Variants in ATRNL1 observed in about 807,000 individuals in gnomAD.
ATRNL1 encodes the protein attractin-like protein 1.
In ATRNL1, 95 loss-of-function variants were observed where a neutral mutation model predicts 182.7. The ratio of observed to expected loss-of-function variants is 0.52; its 90% CI spans 0.44 to 0.62. ATRNL1 has a LOEUF of 0.62. Among genes scored for constraint, ATRNL1 ranks in the 20% least tolerant of loss-of-function variants. The pLI is 0.00. For missense variants in ATRNL1, 1,471 were observed against 1,679.5 expected, an observed-to-expected ratio of 0.88 and a Z score of 2.17; for synonymous variants, 576 against 568.3, an observed-to-expected ratio of 1.01 and a Z score of -0.19.
At chr10:115,246,629 C>T (rs1313695036) in intron 10 of ATRNL1, among the ~76,000 whole-genome samples, 2 of 124,420 alleles carry the variant, frequency 1.6e-5, no homozygotes, top group African/African-American at 6.6e-5. Flanking sequence ...AGCGCAATCT[C>T]GGCTCACTGC....
intron 26 of ATRNL1, among the ~76,000 whole-genome samples, chr10:115,559,952 C>CT (rs1853595815): frequency 1.3e-5 from 2 of 152,148 alleles, no homozygotes; most frequent in Admixed American, 6.5e-5. Context: ...AAAGCTATCT[C>CT]TATTTGCAAA....
chr10:115,726,137 C>T (rs1189780063), intron 26 of ATRNL1, among the ~76,000 whole-genome samples: 1 of 151,948 alleles, frequency 6.6e-6, no homozygotes, highest in African/African-American at 2.4e-5. Flanking sequence ...AATAAATAAA[C>T]TTGTGTTTAA....
At chr10:115,110,840 T>C (rs1383668035) in intron 1 of ATRNL1, among the ~76,000 whole-genome samples, 1 of 152,242 alleles carries the variant, frequency 6.6e-6, no homozygotes, top group Admixed American at 6.5e-5. Context: ...CATTTATTAA[T>C]TTAAGCTTTT....
chr10:115,306,573 T>C (rs1456587594), intron 17 of ATRNL1, among the ~76,000 whole-genome samples: 1 of 152,118 alleles, frequency 6.6e-6, no homozygotes, highest in Non-Finnish European at 1.5e-5. Context: ...TTTTAGATTT[T>C]CTCATTGGCT....
intron 25 of ATRNL1, among the ~76,000 whole-genome samples, chr10:115,535,058 A>C (rs1226088649): frequency 2.7e-5 from 4 of 150,592 alleles, no homozygotes; most frequent in Non-Finnish European, 4.5e-5. Context: ...CTTCATTTCA[A>C]CTTTGGTGAA....
chr10:115,911,758 A>G (rs1952685299), intron 28 of ATRNL1, among the ~76,000 whole-genome samples: 1 of 152,174 alleles, frequency 6.6e-6, no homozygotes, highest in African/African-American at 2.4e-5. Flanking sequence ...CCAAGCCCTT[A>G]GCAGGCAGCT....
At chr10:115,256,891 C>T (rs1448637246) in intron 10 of ATRNL1, among the ~76,000 whole-genome samples, 1 of 152,134 alleles carries the variant, frequency 6.6e-6, no homozygotes, top group Non-Finnish European at 1.5e-5. Context: ...TAGTTATTTA[C>T]CTGGTAGTCA....
At chr10:115,407,985 C>CCTT (rs1844920211) in intron 20 of ATRNL1, among the ~76,000 whole-genome samples, 1 of 97,806 alleles carries the variant, frequency 1.0e-5, no homozygotes, top group African/African-American at 4.6e-5. Flanking sequence ...ATTTGCATTT[C>CCTT]TTTTTTTTTT....
Position 115,450,342 on chromosome 10 carries a change from A to G in ATRNL1, c.3323-11599A>G, listed in dbSNP as rs1451378183. On this transcript the variant is annotated intron_variant, in intron 21 of 28. Coordinates refer to ENST00000355044, the MANE Select transcript of ATRNL1 (RefSeq NM_207303.4). ...AAATAGGAAGAGAGGAAGTCAAACT[A>G]TCCCTCTTTCCAGAAGACATGATCC... 2.6e-5 allele frequency among the ~76,000 whole-genome samples: 4 copies of G among 152,134 alleles called. No individual in the cohort carries two copies. In the East Asian group the frequency reaches 5.8e-4, roughly 22 times the overall value.
chr10:115,495,583 G>C (rs548811277), intron 24 of ATRNL1, among the ~76,000 whole-genome samples: 1 of 152,230 alleles, frequency 6.6e-6, no homozygotes, highest in East Asian at 1.9e-4. Context: ...TTACCCCGAA[G>C]TCATTCAGGA....
intron 27 of ATRNL1, among the ~76,000 whole-genome samples, chr10:115,754,232 C>T (rs1254986970): frequency 1.3e-5 from 2 of 152,246 alleles, no homozygotes; most frequent in Middle Eastern, 6.8e-3. Flanking sequence ...GTGTTTTAGT[C>T]ATGAAGTCTT....
chr10:115,743,869 A>G (rs1948214315), intron 27 of ATRNL1, among the ~76,000 whole-genome samples: 1 of 152,098 alleles, frequency 6.6e-6, no homozygotes, highest in Admixed American at 6.5e-5. Context: ...GAAAAAATAT[A>G]GATTTTAAGT....
chr10:115,824,999 A>G (rs1245368216), intron 27 of ATRNL1, among the ~76,000 whole-genome samples: 1 of 152,232 alleles, frequency 6.6e-6, no homozygotes, highest in African/African-American at 2.4e-5. Flanking sequence ...ACAAATGCCC[A>G]TCAATGATAA....
At chr10:115,304,624 T>G (rs1592413066) in intron 17 of ATRNL1, among the ~76,000 whole-genome samples, 1 of 151,684 alleles carries the variant, frequency 6.6e-6, no homozygotes, top group Non-Finnish European at 1.5e-5. Context: ...GAGGAGGGGG[T>G]GTCTGATTTG....
intron 26 of ATRNL1, among the ~76,000 whole-genome samples, chr10:115,559,892 G>A (rs1478473354): frequency 6.6e-6 from 1 of 152,142 alleles, no homozygotes; most frequent in African/African-American, 2.4e-5. Flanking sequence ...AGTCAGAGCA[G>A]TTAGGCAAAG....
At chr10:115,151,822 T>TTTATAG (rs1554880704) in intron 5 of ATRNL1, among the ~76,000 whole-genome samples, 2 of 152,244 alleles carry the variant, frequency 1.3e-5, no homozygotes, top group African/African-American at 4.8e-5. Flanking sequence ...GCCTAGGTTT[T>TTTATAG]CTTCTAGGGT....
At chr10:115,246,369 A>G (rs1207342922) in intron 10 of ATRNL1, among the ~76,000 whole-genome samples, 1 of 152,184 alleles carries the variant, frequency 6.6e-6, no homozygotes. Context: ...AGTTGGAAAG[A>G]ACTTGTTAGT....
intron 25 of ATRNL1, among the ~76,000 whole-genome samples, chr10:115,539,533 CA>C (rs1212757563): frequency 6.6e-6 from 1 of 152,150 alleles, no homozygotes; most frequent in African/African-American, 2.4e-5. Flanking sequence ...GAAGTCAATG[CA>C]ATTTGAAACT....
chr10:115,275,711 C>T (rs1852074537), intron 13 of ATRNL1, among the ~76,000 whole-genome samples: 2 of 152,196 alleles, frequency 1.3e-5, no homozygotes, highest in Non-Finnish European at 2.9e-5. Flanking sequence ...GATGCCAGTG[C>T]TCCCCTCCCA....
Sources: gnomAD v4.1 joint callset for allele counts (sites outside exome capture counted in the v4.1 genomes callset) on GRCh38, gnomAD v4.1.1 for gene constraint, MANE v1.5 for transcripts, NCBI Gene and HGNC (gene_info 2026-07-23, HGNC 2026-07-21) for gene names.